Variants in ATP2B1 observed in about 807,000 individuals in gnomAD.
The protein encoded by ATP2B1 is plasma membrane calcium-transporting ATPase 1.
In ATP2B1, 14 loss-of-function variants were observed where a neutral mutation model predicts 124.2. That is an observed-to-expected ratio of 0.11 (90% CI 0.07 to 0.18). The LOEUF is 0.18. Among genes scored for constraint, ATP2B1 ranks in the 10% least tolerant of loss-of-function variants. The pLI, the probability that ATP2B1 is intolerant of heterozygous loss-of-function variation, is 1.00. For missense variants in ATP2B1, 763 were observed against 1,466.1 expected (o/e 0.52, Z 7.83); for synonymous variants, 449 against 492.4 (o/e 0.91, Z 1.17).
At chr12:89,617,853 A>G (rs1659055459) in intron 11 of ATP2B1, among the ~76,000 whole-genome samples, 1 of 152,188 alleles carries the variant, frequency 6.6e-6, no homozygotes, top group South Asian at 2.1e-4. Flanking sequence ...AATGTGCATC[A>G]ACATTACCCT....
At chr12:89,666,989 C>CAAAAACAAA in intron 1 of ATP2B1, among the ~76,000 whole-genome samples, 1 of 151,884 alleles carries the variant, frequency 6.6e-6, no homozygotes, top group East Asian at 1.9e-4. Context: ...AACAAACAAA[C>CAAAAACAAA]AAAAACAAAA....
intron 12 of ATP2B1, 59 bp from the exon 13 acceptor site, chr12:89,611,431 T>C: frequency 7.2e-7 from 1 of 1,379,332 alleles, no homozygotes; most frequent in Non-Finnish European, 9.7e-7. Context: ...GAAGGAAAAA[T>C]ATTTCACTGC....
chr12:89,698,905 T>C (rs928175371), intron 1 of ATP2B1, among the ~76,000 whole-genome samples: 1 of 152,228 alleles, frequency 6.6e-6, no homozygotes, highest in African/African-American at 2.4e-5. Context: ...GTTTTGAGTG[T>C]GGTACCCTGG....
intron 1 of ATP2B1, among the ~76,000 whole-genome samples, chr12:89,660,517 T>C (rs1886578458): frequency 1.3e-5 from 2 of 152,210 alleles, no homozygotes; most frequent in Admixed American, 1.3e-4. Flanking sequence ...GTGCCTTCCC[T>C]CACTCCCAAA....
chr12:89,696,081 G>GATGC (rs2136789393), intron 1 of ATP2B1, among the ~76,000 whole-genome samples: 1 of 152,340 alleles, frequency 6.6e-6, no homozygotes, highest in African/African-American at 2.4e-5. Flanking sequence ...GTGACAGAAA[G>GATGC]ATGCACAGTT....
chr12:89,613,840 T>A (rs1268816553), intron 12 of ATP2B1, among the ~76,000 whole-genome samples: 1 of 152,178 alleles, frequency 6.6e-6, no homozygotes, highest in East Asian at 1.9e-4. Context: ...TATAAGAAAC[T>A]AAAGCAAGGC....
At position 89,589,338 on chromosome 12, in the gene ATP2B1, CAG is replaced by C. The variant is rs1421761274; in HGVS notation, c.*1644_*1645del. 1.3e-5 allele frequency: 2 copies of C among 152,100 alleles called. No individual in the cohort carries two copies. Among genetic ancestry groups the C allele is most frequent in the African/African-American group, 2.4e-5 (1 of 41,306 alleles). The allele number at this position is 152,100 out of a possible 1,614,324, so 9.4% of individuals were successfully genotyped here. On this transcript the variant is annotated 3_prime_UTR_variant, in exon 21 of 21. Coordinates refer to ENST00000428670, the MANE Select transcript of ATP2B1 (RefSeq NM_001366521.1). ...CATGCCAGTTTCTAAAGGGTAAAGACAGAGGCAAAAAAGAGAAGAAGGTAGAT... is the reference window on the plus strand; with the variant it reads ...CATGCCAGTTTCTAAAGGGTAAAGACAGGCAAAAAAGAGAAGAAGGTAGAT...
chr12:89,697,786 C>A (rs1891333875), intron 1 of ATP2B1, among the ~76,000 whole-genome samples: 1 of 149,404 alleles, frequency 6.7e-6, no homozygotes, highest in South Asian at 2.1e-4. Context: ...TACTCTGAAG[C>A]AACTAGGAAA....
intron 13 of ATP2B1, 142 bp downstream of exon 13, chr12:89,611,051 T>C: frequency 1.5e-6 from 1 of 677,058 alleles, no homozygotes; most frequent in Non-Finnish European, 2.3e-6. Flanking sequence ...AGAACACTAG[T>C]ATTTTGCTTC....
At chr12:89,627,630 G>GA (rs1881109016) in intron 7 of ATP2B1, 48 bp downstream of exon 7, 7 of 1,583,726 alleles carry the variant, frequency 4.4e-6, no homozygotes, top group Non-Finnish European at 6.1e-6. Context: ...GTAGATTTTT[G>GA]GATATAATGA....
At chr12:89,631,792 A>G (rs1881905085) in intron 5 of ATP2B1, among the ~76,000 whole-genome samples, 1 of 152,102 alleles carries the variant, frequency 6.6e-6, no homozygotes, top group African/African-American at 2.4e-5. Flanking sequence ...CATTTTCTAG[A>G]AACTTGCCCA....
chr12:89,615,549 C>T (rs1305751555), intron 12 of ATP2B1, among the ~76,000 whole-genome samples: 2 of 152,192 alleles, frequency 1.3e-5, no homozygotes, highest in Non-Finnish European at 2.9e-5. Context: ...GAGTGCTACA[C>T]ATTAGGTTTT....
At position 89,635,163 on chromosome 12, in the gene ATP2B1, A is replaced by G. The variant is rs1359919530; in HGVS notation, c.495T>C (p.Cys165=). The G allele has an allele frequency of 6.2e-7, 1 of 1,613,816 alleles. No individual in the cohort carries two copies. Among genetic ancestry groups the G allele is most frequent in the Non-Finnish European group, 8.5e-7 (1 of 1,179,888 alleles). Residue 165 remains cysteine (C), a synonymous_variant, in exon 4 of 21, where the codon TGT becomes TGC. Coordinates refer to ENST00000428670, the MANE Select transcript of ATP2B1 (RefSeq NM_001366521.1). ...CATTGAAAGCTGTTACTAACACCAC[A>G]CACACTACAGACAAGAGGATTGCAG... ...EGAAILLSVV[C]VVLVTAFNDW...
chr12:89,643,571 G>A (rs1445772844), intron 2 of ATP2B1, among the ~76,000 whole-genome samples: 1 of 152,154 alleles, frequency 6.6e-6, no homozygotes, highest in African/African-American at 2.4e-5. Context: ...TTATCGTCTG[G>A]AGTATGGAAT....
chr12:89,628,893 A>G (rs1881374025), intron 6 of ATP2B1, among the ~76,000 whole-genome samples: 1 of 152,120 alleles, frequency 6.6e-6, no homozygotes, highest in South Asian at 2.1e-4. Context: ...ACTGAGACAC[A>G]TTACCCCGGA....
chr12:89,654,206 GA>G (rs1380845320), intron 2 of ATP2B1, among the ~76,000 whole-genome samples: 1 of 151,978 alleles, frequency 6.6e-6, no homozygotes, highest in African/African-American at 2.4e-5. Context: ...AAGTCCATGG[GA>G]ACTGTTCCCG....
At chr12:89,685,239 T>C (rs12321092) in intron 1 of ATP2B1, among the ~76,000 whole-genome samples, 1,957 of 152,198 alleles carry the variant, frequency 0.013, 38 homozygotes, top group African/African-American at 0.044. Flanking sequence ...TTTCCTCTTG[T>C]AACAGACAAC....
At chr12:89,639,830 AC>A (rs1176141704) in intron 3 of ATP2B1, among the ~76,000 whole-genome samples, 1 of 152,142 alleles carries the variant, frequency 6.6e-6, no homozygotes, top group Non-Finnish European at 1.5e-5. Flanking sequence ...TTTGTCCTGG[AC>A]CTTGCTGGTA....
At chr12:89,612,864 T>C (rs1191398609) in intron 12 of ATP2B1, among the ~76,000 whole-genome samples, 1 of 152,218 alleles carries the variant, frequency 6.6e-6, no homozygotes, top group East Asian at 1.9e-4. Flanking sequence ...ATACCTTTTG[T>C]TCATTTAACA....
Sources: gnomAD v4.1 joint callset for allele counts (sites outside exome capture counted in the v4.1 genomes callset) on GRCh38, gnomAD v4.1.1 for gene constraint, MANE v1.5 for transcripts, NCBI Gene and HGNC (gene_info 2026-07-23, HGNC 2026-07-21) for gene names.